DIXDC1: variants seen among roughly 807,000 people sequenced by gnomAD.
DIXDC1 encodes the protein dixin.
Under a neutral mutation model 103.1 loss-of-function variants are expected in DIXDC1, and 64 were observed. The ratio of observed to expected loss-of-function variants is 0.62; its 90% CI spans 0.51 to 0.76. The LOEUF is 0.76. Ranked by LOEUF, DIXDC1 falls within the 30% of genes least tolerant of loss-of-function variation. DIXDC1 has a pLI of 0.00. For synonymous variants in DIXDC1, 266 were observed against 298.5 expected (o/e 0.89, Z 1.12); for missense variants, 759 against 834.2 (o/e 0.91, Z 1.11).
chr11:111,991,855 T>C (rs1860721888), intron 10 of DIXDC1, among the ~76,000 whole-genome samples: 1 of 152,174 alleles, frequency 6.6e-6, no homozygotes, highest in South Asian at 2.1e-4. Flanking sequence ...GAAGCCAGCA[T>C]GGGAGTGATT....
chr11:111,973,953 A>G, intron 3 of DIXDC1, 70 bp from the exon 4 acceptor site: 1 of 1,437,894 alleles, frequency 7.0e-7, no homozygotes. Context: ...TAAATGCAGA[A>G]GTCCTCAGCT....
In DIXDC1 at chr11:111,985,268, C is replaced by T. The variant is rs782155832; in HGVS notation, c.955C>T (p.Gln319Ter). Residue 319 changes from glutamine to a stop codon, truncating the protein, a stop_gained, in exon 8 of 20, where the codon CAG becomes TAG. Coordinates refer to ENST00000440460, the MANE Select transcript of DIXDC1 (RefSeq NM_001037954.4). LOFTEE classifies it high-confidence loss of function. Reference protein sequence around the residue: ...LLNGSLPEDEQERPLALCEPG... With the variant: ...LLNGSLPEDE The stretch of plus-strand genomic sequence containing the variant: ...CAATGGATCCTTACCTGAAGATGAA[C>T]AGGAGAGGCCCTTGGCCCTCTGTGA... 1.2e-6 allele frequency: 2 copies of T among 1,613,720 alleles called. No individual in the cohort carries two copies. Among genetic ancestry groups the T allele is most frequent in the South Asian group, 2.2e-5 (2 of 90,972 alleles).
chr11:112,013,348 A>G (rs1276785173), intron 17 of DIXDC1, among the ~76,000 whole-genome samples: 1 of 149,930 alleles, frequency 6.7e-6, no homozygotes, highest in Non-Finnish European at 1.5e-5. Context: ...GGGGGAACAA[A>G]TTCAGTCCAT....
At chr11:112,001,258 G>C (rs587713747) in intron 17 of DIXDC1, among the ~76,000 whole-genome samples, 1 of 152,310 alleles carries the variant, frequency 6.6e-6, no homozygotes, top group Admixed American at 6.5e-5. Context: ...AATCCATAGA[G>C]ACCAAAAGTA....
chr11:111,937,274 T>A (rs587666067), upstream of DIXDC1: 25 of 1,302,864 alleles, frequency 1.9e-5, no homozygotes, highest in South Asian at 5.1e-4. Flanking sequence ...GTTGTTTCCA[T>A]AGGAACCGCG....
intron 1 of DIXDC1, 29 bp downstream of exon 1, chr11:111,937,588 G>C (rs1966255144): frequency 6.4e-7 from 1 of 1,564,546 alleles, no homozygotes; most frequent in African/African-American, 1.4e-5. Flanking sequence ...CCACTCCTCA[G>C]CTCCCCTCCC....
intron 17 of DIXDC1, among the ~76,000 whole-genome samples, chr11:112,000,649 A>G (rs991815589): frequency 8.6e-5 from 13 of 150,484 alleles, no homozygotes; most frequent in African/African-American, 3.2e-4. Context: ...GTGAGCTGAG[A>G]TTGTGCCATT....
intron 17 of DIXDC1, among the ~76,000 whole-genome samples, chr11:112,000,704 A>T (rs1042626121): frequency 2.6e-5 from 4 of 152,162 alleles, no homozygotes; most frequent in African/African-American, 9.7e-5. Context: ...TAAAAAAAAA[A>T]AAAAGGGCCA....
intron 16 of DIXDC1, 145 bp from the exon 17 acceptor site, chr11:111,995,935 T>G: frequency 4.0e-6 from 3 of 754,720 alleles, no homozygotes; most frequent in Non-Finnish European, 6.6e-6. Flanking sequence ...ATTATTATTG[T>G]TAGGATAAAT....
intron 1 of DIXDC1, among the ~76,000 whole-genome samples, chr11:111,938,760 T>G (rs1167627599): frequency 6.6e-6 from 1 of 152,246 alleles, no homozygotes; most frequent in African/African-American, 2.4e-5. Flanking sequence ...GCCCTAGCGT[T>G]GTTCCTAACA....
chr11:111,931,637 C>T (rs937058013), intron 2 of DIXDC1, among the ~76,000 whole-genome samples: 1 of 152,054 alleles, frequency 6.6e-6, no homozygotes, highest in Non-Finnish European at 1.5e-5. Flanking sequence ...ATTGAGACTC[C>T]ATCCCAAAAT....
chr11:112,002,385 A>T (rs1308640741), intron 17 of DIXDC1, among the ~76,000 whole-genome samples: 5 of 152,240 alleles, frequency 3.3e-5, no homozygotes, highest in Non-Finnish European at 4.4e-5. Context: ...AAAAAAATAC[A>T]AATAGAGCTA....
upstream of DIXDC1, chr11:111,937,078 T>G: frequency 3.9e-5 from 11 of 285,666 alleles, no homozygotes; most frequent in Non-Finnish European, 5.5e-5. Flanking sequence ...CTAAAAGCCG[T>G]GTGAGTGTGT....
intron 1 of DIXDC1, among the ~76,000 whole-genome samples, chr11:111,927,674 G>A (rs893820018): frequency 4.6e-5 from 7 of 151,996 alleles, no homozygotes; most frequent in Non-Finnish European, 8.8e-5. Flanking sequence ...TTAAAGACTG[G>A]TAGAGTACTG....
chr11:112,013,062 T>C (rs1036432121), intron 17 of DIXDC1, among the ~76,000 whole-genome samples: 1 of 152,162 alleles, frequency 6.6e-6, no homozygotes, highest in Non-Finnish European at 1.5e-5. Flanking sequence ...TTCTGGAGGC[T>C]AGAAGTACAA....
chr11:111,955,172 C>A (rs587727679), intron 1 of DIXDC1, among the ~76,000 whole-genome samples: 4 of 151,564 alleles, frequency 2.6e-5, no homozygotes, highest in African/African-American at 9.7e-5. Flanking sequence ...CCCATCTCTA[C>A]AAAAAATACA....
chr11:111,959,962 T>A (rs1477789675), intron 1 of DIXDC1, among the ~76,000 whole-genome samples: 1 of 151,926 alleles, frequency 6.6e-6, no homozygotes, highest in East Asian at 1.9e-4. Context: ...CAGGCTGGAG[T>A]GCACTGGCGC....
intron 1 of DIXDC1, among the ~76,000 whole-genome samples, chr11:111,962,080 T>G (rs1309978452): frequency 1.3e-5 from 2 of 152,162 alleles, no homozygotes; most frequent in Non-Finnish European, 2.9e-5. Context: ...AAATTATTGT[T>G]GAACTGATTG....
At chr11:111,972,293 A>G (rs1859962537) in intron 3 of DIXDC1, among the ~76,000 whole-genome samples, 1 of 152,158 alleles carries the variant, frequency 6.6e-6, no homozygotes, top group African/African-American at 2.4e-5. Context: ...TTCTAGGGCA[A>G]AATTTAGAGT....
Sources: allele counts gnomAD v4.1 joint callset (sites outside exome capture counted in the v4.1 genomes callset), GRCh38; gene constraint gnomAD v4.1.1; transcripts MANE v1.5; gene names NCBI Gene and HGNC (gene_info 2026-07-23, HGNC 2026-07-21).